ARID3A: variants seen among roughly 807,000 people sequenced by gnomAD.
The protein encoded by ARID3A is AT-rich interactive domain-containing protein 3A.
In ARID3A, 11 loss-of-function variants were observed where a neutral mutation model predicts 52.7. The ratio of observed to expected loss-of-function variants is 0.21; its 90% CI spans 0.13 to 0.35. The LOEUF (loss-of-function observed/expected upper bound fraction) is 0.35, where lower values mean the gene tolerates loss of function less well. Ranked by LOEUF, ARID3A falls within the 10% of genes least tolerant of loss-of-function variation. The probability of loss-of-function intolerance (pLI) is 1.00; values close to 1 mark genes in which losing one functional copy is unlikely to be tolerated. For missense variants in ARID3A, 721 were observed against 838.5 expected (o/e 0.86, Z 1.73); for synonymous variants, 404 against 359.4 (o/e 1.12, Z -1.40).
intron 4 of ARID3A, among the ~76,000 whole-genome samples, chr19:962,266 C>T (rs1415931491): frequency 1.3e-5 from 2 of 152,026 alleles, no homozygotes; most frequent in Non-Finnish European, 2.9e-5. Context: ...AAGTAAAAAA[C>T]TCTAACTAAA....
chr19:930,760 T>C (rs184737686), intron 2 of ARID3A, among the ~76,000 whole-genome samples: 15,046 of 150,980 alleles, frequency 0.1, 1,237 homozygotes, highest in African/African-American at 0.22. Flanking sequence ...CTGCCTGCCT[T>C]GGCCTCCCAA....
intron 3 of ARID3A, among the ~76,000 whole-genome samples, chr19:937,054 G>A (rs763216924): frequency 1.2e-4 from 19 of 152,074 alleles, no homozygotes; most frequent in Non-Finnish European, 2.8e-4. Flanking sequence ...GAGCACCTGA[G>A]GTCAGGAGTT....
Position 973,104 on chromosome 19 carries a change from A to ATTTTTTTTTTATTTTTTTT in ARID3A, c.*1049_*1050insATTTTTTTTTTTTTTTTTT, listed in dbSNP as rs2038315214. On this transcript the variant is annotated 3_prime_UTR_variant, in exon 9 of 9. Coordinates refer to ENST00000263620, the MANE Select transcript of ARID3A (RefSeq NM_005224.3). ...GGGCTCTCGAGTCAGGGGCCTGGAA[A>ATTTTTTTTTTATTTTTTTT]TTTTTTTTTTTTTTTTTTTTTGAGA... is the stretch of plus-strand genomic sequence containing the variant. 1.9e-5 allele frequency: 1 copy of ATTTTTTTTTTATTTTTTTT among 53,488 alleles called. No homozygotes were observed. The highest frequency in any genetic ancestry group is 7.0e-5 in the African/African-American group (1 of 14,224). 3.3% of individuals were successfully genotyped at this position (53,488 alleles called of 1,614,324 possible).
rs957947894 is a variant in ARID3A at position 927,375 on chromosome 19, G to T, written c.-268+1316G>T. ...TTAGGGTTATGGCGGCGATGGGGGGGCACCCAGCCCTGACCTAGGGGGGAA... is the reference window on the plus strand; with the variant it reads ...TTAGGGTTATGGCGGCGATGGGGGGTCACCCAGCCCTGACCTAGGGGGGAA... On this transcript the variant is annotated intron_variant, in intron 1 of 8. Coordinates refer to ENST00000263620, the MANE Select transcript of ARID3A (RefSeq NM_005224.3). 3.3e-5 allele frequency among the ~76,000 whole-genome samples: 5 copies of T among 151,826 alleles called. No homozygotes were observed. In the South Asian group the frequency reaches 1.0e-3, roughly 31 times the overall value.
At chr19:965,328 C>T (rs754463548) in intron 6 of ARID3A, 24 of 501,802 alleles carry the variant, frequency 4.8e-5, no homozygotes, top group Non-Finnish European at 7.5e-5. Context: ...GTCCTGTGGC[C>T]AAGGCAGACA....
intron 8 of ARID3A, 34 bp from the exon 9 acceptor site, chr19:971,844 T>G: frequency 6.4e-7 from 1 of 1,568,628 alleles, no homozygotes; most frequent in Non-Finnish European, 8.6e-7. Context: ...CTTCTTAAAC[T>G]CTGCATGGCA....
chr19:970,144 C>A (rs1599431011), intron 8 of ARID3A, among the ~76,000 whole-genome samples: 1 of 151,986 alleles, frequency 6.6e-6, no homozygotes, highest in East Asian at 1.9e-4. Context: ...GAAACCCCAT[C>A]TTCCCTAAAA....
Position 929,270 on chromosome 19 carries a change from A to G in ARID3A, c.-259A>G. On this transcript the variant is annotated 5_prime_UTR_variant, in exon 2 of 9. Coordinates refer to ENST00000263620, the MANE Select transcript of ARID3A (RefSeq NM_005224.3). The surrounding 1 kb of genome is among the most constrained non-coding windows in gnomAD (Gnocchi z 6.2). ...CCTTTTTTCCCCCTCAGGTTTCTGCAAATGCGTGAATGAGCCGGATGCCAG... is the reference window on the plus strand; with the variant it reads ...CCTTTTTTCCCCCTCAGGTTTCTGCGAATGCGTGAATGAGCCGGATGCCAG... The G allele has an allele frequency of 3.5e-6, 1 of 284,818 alleles. No individual in the cohort carries two copies. The highest frequency in any genetic ancestry group is 5.9e-6 in the Non-Finnish European group (1 of 168,618). The allele number at this position is 284,818 out of a possible 1,614,324, so 17.6% of individuals were successfully genotyped here. A position where few individuals can be genotyped will look rare whatever the true frequency, so the allele number is the denominator to read the frequency against.
chr19:930,596 T>G (rs1011128636), intron 2 of ARID3A, among the ~76,000 whole-genome samples: 8 of 142,230 alleles, frequency 5.6e-5, no homozygotes, highest in East Asian at 4.6e-4. Context: ...TGCAACCTCC[T>G]CCTCCCGGGT....
Position 974,770 on chromosome 19 carries a change from C to G in ARID3A, c.*2705C>G. ...GTGTCGGGAATCCTGCGTGTCGTGT[C>G]TGTGGGCGATCCGGCCTCCCGGCGG... is the stretch of plus-strand genomic sequence containing the variant. On this transcript the variant is annotated 3_prime_UTR_variant, in exon 9 of 9. Coordinates refer to ENST00000263620, the MANE Select transcript of ARID3A (RefSeq NM_005224.3). The G allele has an allele frequency of 4.4e-6, 1 of 226,236 alleles. No individual in the cohort carries two copies. The highest frequency in any genetic ancestry group is 6.3e-5 in the East Asian group (1 of 15,914). 14.0% of individuals were successfully genotyped at this position (226,236 alleles called of 1,614,324 possible). A position where few individuals can be genotyped will look rare whatever the true frequency, so the allele number is the denominator to read the frequency against.
chr19:970,318 A>G (rs1363523301), intron 8 of ARID3A, among the ~76,000 whole-genome samples: 1 of 151,854 alleles, frequency 6.6e-6, no homozygotes, highest in Non-Finnish European at 1.5e-5. Flanking sequence ...GTCTCAGAGG[A>G]AGAAAAAAAA....
chr19:948,342 C>G (rs1039968109), intron 3 of ARID3A, among the ~76,000 whole-genome samples: 4 of 152,016 alleles, frequency 2.6e-5, no homozygotes. Flanking sequence ...GCCCTGTGGT[C>G]CACGCTCAGC....
chr19:940,512 C>T (rs1044587235), intron 3 of ARID3A, among the ~76,000 whole-genome samples: 6 of 151,858 alleles, frequency 4.0e-5, no homozygotes, highest in African/African-American at 1.5e-4. Flanking sequence ...AACGGAGGCA[C>T]CCTTGGTCCA....
Position 942,315 on chromosome 19 carries a change from C to T in ARID3A, c.693+9573C>T, listed in dbSNP as rs1311291849. ...CTGTCGATCCTGACTGGGGCGGTGG[C>T]GACATGGCCCCCGCAGCTGCCCGGC... On this transcript the variant is annotated intron_variant, in intron 3 of 8. Transcript: ENST00000263620. The surrounding 1 kb of genome is among the most constrained non-coding windows in gnomAD (Gnocchi z 8.1). 2.0e-5 allele frequency among the ~76,000 whole-genome samples: 3 copies of T among 152,182 alleles called. No individual in the cohort carries two copies. The highest frequency in any genetic ancestry group is 4.4e-5 in the Non-Finnish European group (3 of 68,020).
chr19:973,787 G>A lies in ARID3A; in HGVS notation c.*1722G>A. 1.7e-5 allele frequency: 4 copies of A among 229,276 alleles called. No individual in the cohort carries two copies. The highest frequency in any genetic ancestry group is 3.5e-5 in the Non-Finnish European group (4 of 115,526). 14.2% of individuals were successfully genotyped at this position (229,276 alleles called of 1,614,324 possible). ...CTGCCCCCCACCACCCTGTGGGTCA[G>A]TACCCCTCCCCCTGGCTTGGAGAAA... On this transcript the variant is annotated 3_prime_UTR_variant, in exon 9 of 9. Coordinates refer to ENST00000263620, the MANE Select transcript of ARID3A (RefSeq NM_005224.3).
At chr19:971,773 TGAGA>T in intron 8 of ARID3A, 101 bp from the exon 9 acceptor site, 1 of 1,391,096 alleles carries the variant, frequency 7.2e-7, no homozygotes, top group South Asian at 1.4e-5. Flanking sequence ...GGGGACAGAG[TGAGA>T]GAGAAGTTTA....
rs546571709 is a variant in ARID3A, at chr19:974,492, C to T, written c.*2427C>T. 1.2e-4 allele frequency: 27 copies of T among 230,884 alleles called. No individual in the cohort carries two copies. In the South Asian group the frequency reaches 2.0e-3, roughly 17 times the overall value. 14.3% of individuals were successfully genotyped at this position (230,884 alleles called of 1,614,324 possible). Reference sequence around the variant, plus strand: ...GGACCCCCGTCCCACGCCTGGGCCCCGCGCCGGGGGAAGCGCCTGCTGCCT... The same window carrying T: ...GGACCCCCGTCCCACGCCTGGGCCCTGCGCCGGGGGAAGCGCCTGCTGCCT... On this transcript the variant is annotated 3_prime_UTR_variant, in exon 9 of 9. Coordinates refer to ENST00000263620, the MANE Select transcript of ARID3A (RefSeq NM_005224.3).
intron 4 of ARID3A, among the ~76,000 whole-genome samples, chr19:962,904 C>T (rs115872392): frequency 0.01 from 1,581 of 152,284 alleles, 24 homozygotes; most frequent in African/African-American, 0.036. Flanking sequence ...GTTTCCGGGC[C>T]GATCCTGCAG....
rs2038360942 is a variant in ARID3A, at chr19:975,511, T to C, written c.*3446T>C. On this transcript the variant is annotated 3_prime_UTR_variant, in exon 9 of 9. Transcript: ENST00000263620. ...CCTTGGCAAATGTAAACTCAGCCTT[T>C]CATTCATGACGTGTGAAATTTCAGT... The C allele has an allele frequency of 4.5e-6, 1 of 223,542 alleles. No homozygotes were observed. Among genetic ancestry groups the C allele is most frequent in the Admixed American group, 5.7e-5 (1 of 17,460 alleles). 13.8% of individuals were successfully genotyped at this position (223,542 alleles called of 1,614,324 possible).
Sources: gnomAD v4.1 joint callset for allele counts (sites outside exome capture counted in the v4.1 genomes callset) on GRCh38, gnomAD v4.1.1 for gene constraint, Gnocchi (gnomAD v3.1) non-coding constraint, MANE v1.5 for transcripts, NCBI Gene and HGNC (gene_info 2026-07-23, HGNC 2026-07-21) for gene names.